CDKAL1: variants seen among roughly 807,000 people sequenced by gnomAD.
The protein encoded by CDKAL1 is threonylcarbamoyladenosine tRNA methylthiotransferase.
CDKAL1 carries 32 observed loss-of-function variants against 68.2 expected under a neutral mutation model. The ratio of observed to expected loss-of-function variants is 0.47; its 90% confidence interval spans 0.35 to 0.63. The LOEUF (loss-of-function observed/expected upper bound fraction) is 0.63, where lower values mean the gene tolerates loss of function less well. CDKAL1 is among the 30% of genes least tolerant of loss of function. The pLI, the probability that CDKAL1 is intolerant of heterozygous loss-of-function variation, is 0.00. For synonymous variants in CDKAL1, 234 were observed against 244.3 expected (o/e 0.96, Z 0.39); for missense variants, 606 against 696.7 (o/e 0.87, Z 1.47).
At chr6:21,193,108 C>T (rs1471360552) in intron 13 of CDKAL1, among the ~76,000 whole-genome samples, 1 of 152,112 alleles carries the variant, frequency 6.6e-6, no homozygotes, top group East Asian at 1.9e-4. Context: ...TGTGAACCAC[C>T]ACCACACCCA....
intron 4 of CDKAL1, among the ~76,000 whole-genome samples, chr6:20,590,194 C>CCCCA (rs1467432779): frequency 1.3e-5 from 2 of 151,992 alleles, no homozygotes; most frequent in African/African-American, 4.8e-5. Flanking sequence ...ATATGACTGT[C>CCCCA]CCCAGGTTAC....
intron 12 of CDKAL1, among the ~76,000 whole-genome samples, chr6:21,073,270 A>G (rs1771893335): frequency 6.6e-6 from 1 of 152,216 alleles, no homozygotes; most frequent in East Asian, 1.9e-4. Flanking sequence ...ATTGTGAATA[A>G]ATCTGCTATA....
intron 13 of CDKAL1, among the ~76,000 whole-genome samples, chr6:21,136,040 T>C (rs1169799458): frequency 6.6e-6 from 1 of 152,234 alleles, no homozygotes; most frequent in Non-Finnish European, 1.5e-5. Context: ...AATATATCAG[T>C]GTTTACATTG....
In CDKAL1 at chr6:20,806,255, C is replaced by T. The variant is rs12189708; in HGVS notation, c.638+24990C>T. On this transcript the variant is annotated intron_variant, in intron 8 of 15. Coordinates refer to ENST00000274695, the MANE Select transcript of CDKAL1 (RefSeq NM_017774.3). ...TGTGGTATTTGGTTTTCTGTTTCTGCGTTAGTTCGCTTAGGATAATGTCCT... is the reference window on the plus strand; with the variant it reads ...TGTGGTATTTGGTTTTCTGTTTCTGTGTTAGTTCGCTTAGGATAATGTCCT... Among the ~76,000 whole-genome samples, 1,278 of 152,204 alleles carry T rather than the reference C, an allele frequency of 8.4e-3. 8 individuals are homozygous for T. Among genetic ancestry groups the T allele is most frequent in the Middle Eastern group, 0.027 (8 of 294 alleles).
intron 6 of CDKAL1, among the ~76,000 whole-genome samples, chr6:20,754,209 T>C (rs1253857852): frequency 6.6e-6 from 1 of 152,188 alleles, no homozygotes; most frequent in Admixed American, 6.5e-5. Flanking sequence ...CTCAAACTCC[T>C]GGCCTTAAAG....
At chr6:20,816,708 T>A (rs1009983596) in intron 8 of CDKAL1, among the ~76,000 whole-genome samples, 1 of 151,064 alleles carries the variant, frequency 6.6e-6, no homozygotes, top group Non-Finnish European at 1.5e-5. Flanking sequence ...AAAAAAAAAA[T>A]AGTGGCATGA....
chr6:21,122,783 A>G (rs1489362375), intron 13 of CDKAL1, among the ~76,000 whole-genome samples: 1 of 148,542 alleles, frequency 6.7e-6, no homozygotes, highest in East Asian at 2.0e-4. Context: ...ATACAGGCAC[A>G]CACTACCATC....
intron 4 of CDKAL1, among the ~76,000 whole-genome samples, chr6:20,646,508 A>G (rs1274764989): frequency 6.6e-6 from 1 of 152,068 alleles, no homozygotes; most frequent in African/African-American, 2.4e-5. Context: ...TATGTGGTCC[A>G]TCGTTGACTG....
At chr6:20,899,616 G>C (rs2150594914) in intron 9 of CDKAL1, among the ~76,000 whole-genome samples, 1 of 152,214 alleles carries the variant, frequency 6.6e-6, no homozygotes, top group East Asian at 1.9e-4. Context: ...GCCCGAGGCA[G>C]GCAGATCACC....
In CDKAL1 at chr6:20,893,802, A is replaced by G. The variant is rs1022671680; in HGVS notation, c.742+47624A>G. 2.0e-5 allele frequency among the ~76,000 whole-genome samples: 3 copies of G among 152,212 alleles called. 1 individual carries two copies. The highest frequency in any genetic ancestry group is 7.2e-5 in the African/African-American group (3 of 41,460). ...AATGAAGAAATGTATGCAGAGAGCT[A>G]AGCACAGTCTTGGGCATGGAGTAAG... On this transcript the variant is annotated intron_variant, in intron 9 of 15. Transcript: ENST00000274695.
chr6:20,958,539 C>G (rs138122088), intron 10 of CDKAL1, among the ~76,000 whole-genome samples: 1 of 152,250 alleles, frequency 6.6e-6, no homozygotes, highest in East Asian at 1.9e-4. Flanking sequence ...AGGCTTAGAC[C>G]ACTCTACAGA....
chr6:20,580,149 C>T (rs1195476121), intron 4 of CDKAL1, among the ~76,000 whole-genome samples: 1 of 152,136 alleles, frequency 6.6e-6, no homozygotes, highest in Non-Finnish European at 1.5e-5. Context: ...TATTTTATTA[C>T]CACATGAGGT....
chr6:20,679,666 T>C (rs1770284900), intron 5 of CDKAL1, among the ~76,000 whole-genome samples: 1 of 152,258 alleles, frequency 6.6e-6, no homozygotes, highest in Non-Finnish European at 1.5e-5. Context: ...GTTTTTAAAA[T>C]TCATTATTCA....
In CDKAL1 at chr6:20,973,563, C is replaced by A. The variant is rs554275941; in HGVS notation, c.909+17978C>A. On this transcript the variant is annotated intron_variant, in intron 10 of 15. Transcript: ENST00000274695. ...GGTCTCTGCTTCAGCTGCTGCCATC[C>A]TGCCAGGTGATCCAACATAGGATCA... 5.3e-5 allele frequency among the ~76,000 whole-genome samples: 8 copies of A among 152,318 alleles called. No individual in the cohort carries two copies. The East Asian group carries it at 1.5e-3, about 29-fold the overall frequency.
At chr6:20,986,739 T>C (rs1037324699) in intron 10 of CDKAL1, among the ~76,000 whole-genome samples, 7 of 152,150 alleles carry the variant, frequency 4.6e-5, no homozygotes, top group Admixed American at 4.6e-4. Context: ...ATAAGTGGTA[T>C]TATTAGACTT....
chr6:20,882,428 A>G (rs1180860991), intron 9 of CDKAL1, among the ~76,000 whole-genome samples: 1 of 152,220 alleles, frequency 6.6e-6, no homozygotes, highest in Non-Finnish European at 1.5e-5. Context: ...CTCCCATATC[A>G]TATAACACTT....
At chr6:20,809,109 G>A (rs972821542) in intron 8 of CDKAL1, among the ~76,000 whole-genome samples, 8 of 152,152 alleles carry the variant, frequency 5.3e-5, no homozygotes, top group Non-Finnish European at 1.2e-4. Flanking sequence ...ACAGTGGAAA[G>A]CATAACAAAA....
intron 6 of CDKAL1, among the ~76,000 whole-genome samples, chr6:20,747,727 A>G (rs1773723080): frequency 6.6e-6 from 1 of 152,236 alleles, no homozygotes; most frequent in Non-Finnish European, 1.5e-5. Context: ...TATTTTGGAC[A>G]TGAACCCCTT....
At chr6:20,654,666 T>C (rs9358355) in intron 5 of CDKAL1, among the ~76,000 whole-genome samples, 41,155 of 152,076 alleles carry the variant, frequency 0.27, 6,872 homozygotes, top group African/African-American at 0.47. Context: ...TATGTCTTTC[T>C]CTGTAGATAA....
Sources: allele counts gnomAD v4.1 joint callset (sites outside exome capture counted in the v4.1 genomes callset), GRCh38; gene constraint gnomAD v4.1.1; transcripts MANE v1.5; gene names NCBI Gene and HGNC (gene_info 2026-07-23, HGNC 2026-07-21).